Variants in CTNNA2 observed in about 807,000 individuals in gnomAD.
CTNNA2 encodes the protein catenin alpha-2.
CTNNA2 carries 42 observed loss-of-function variants against 101.0 expected under a neutral mutation model. The ratio of observed to expected loss-of-function variants is 0.42; its 90% CI spans 0.32 to 0.54. The LOEUF is 0.54. Among genes scored for constraint, CTNNA2 ranks in the 20% least tolerant of loss-of-function variants. The pLI is 0.14. For missense variants in CTNNA2, 871 were observed against 1,223.1 expected (o/e 0.71, Z 4.29); for synonymous variants, 450 against 456.4 (o/e 0.99, Z 0.18).
intron 7 of CTNNA2, among the ~76,000 whole-genome samples, chr2:80,111,754 C>G (rs1465025986): frequency 1.3e-5 from 2 of 152,174 alleles, no homozygotes; most frequent in Non-Finnish European, 2.9e-5. Flanking sequence ...GTTGCCCAGA[C>G]TGATCTCAAG....
At chr2:79,236,668 A>G (rs1268548002) in intron 2 of CTNNA2, among the ~76,000 whole-genome samples, 2 of 152,214 alleles carry the variant, frequency 1.3e-5, no homozygotes, top group East Asian at 3.8e-4. Flanking sequence ...AAGTAAGTTT[A>G]TGTAATATTC....
chr2:79,950,477 G>A (rs975635199), intron 7 of CTNNA2, among the ~76,000 whole-genome samples: 8 of 152,156 alleles, frequency 5.3e-5, no homozygotes, highest in Admixed American at 1.3e-4. Flanking sequence ...CAGAGGCTTC[G>A]CTGTGTATTG....
At chr2:80,077,937 T>C (rs1212321651) in intron 7 of CTNNA2, among the ~76,000 whole-genome samples, 1 of 152,206 alleles carries the variant, frequency 6.6e-6, no homozygotes, top group Non-Finnish European at 1.5e-5. Flanking sequence ...AAGTACATTA[T>C]ATAACTTGCT....
chr2:79,413,213 T>A (rs1678437477), intron 4 of CTNNA2, among the ~76,000 whole-genome samples: 2 of 151,938 alleles, frequency 1.3e-5, no homozygotes, highest in Non-Finnish European at 2.9e-5. Context: ...AAATGGAAAA[T>A]CTGCTAGACA....
At chr2:80,282,215 G>A (rs977405211) in intron 7 of CTNNA2, among the ~76,000 whole-genome samples, 11 of 151,824 alleles carry the variant, frequency 7.2e-5, no homozygotes, top group Non-Finnish European at 5.9e-5. Flanking sequence ...ATCTACATGA[G>A]TTATATTTTC....
chr2:80,237,659 C>T (rs1370331894), intron 7 of CTNNA2, among the ~76,000 whole-genome samples: 1 of 152,176 alleles, frequency 6.6e-6, no homozygotes, highest in Non-Finnish European at 1.5e-5. Context: ...CTGCATAGCC[C>T]TACCCTGGGC....
At position 80,393,194 on chromosome 2, in the gene CTNNA2, T is replaced by G. The variant is rs747695845; in HGVS notation, c.1057-17T>G. 7.0e-6 allele frequency: 11 copies of G among 1,568,974 alleles called. No individual in the cohort carries two copies. The Admixed American group carries it at 2.1e-4, about 29-fold the overall frequency. ...TTGAATATGCTAAATCAGAAATTAT[T>G]TCTCTTTTCTTAATAGACTGGAAGG... On this transcript the variant is annotated splice_polypyrimidine_tract_variant and intron_variant, in intron 7 of 18. Transcript: ENST00000402739.
At chr2:79,521,787 A>G (rs761775905) in intron 1 of CTNNA2, among the ~76,000 whole-genome samples, 38 of 152,196 alleles carry the variant, frequency 2.5e-4, no homozygotes, top group Non-Finnish European at 4.9e-4. Flanking sequence ...GGGAGAGTGT[A>G]TGCAGAAACA....
intron 4 of CTNNA2, among the ~76,000 whole-genome samples, chr2:79,457,395 G>A (rs1312994961): frequency 2.0e-5 from 3 of 152,050 alleles, no homozygotes; most frequent in Non-Finnish European, 4.4e-5. Flanking sequence ...ACAGTTCACA[G>A]TGTTGTGTGA....
intron 4 of CTNNA2, among the ~76,000 whole-genome samples, chr2:79,403,210 A>G (rs1259487744): frequency 1.3e-5 from 2 of 151,856 alleles, no homozygotes; most frequent in East Asian, 3.9e-4. Flanking sequence ...TAGACAATAA[A>G]ATTTTATGGA....
rs1683422408 is a variant in CTNNA2 at position 80,450,649 on chromosome 2, C to T, written c.1290+31048C>T. 3.9e-5 allele frequency among the ~76,000 whole-genome samples: 6 copies of T among 152,222 alleles called. No individual in the cohort carries two copies. The South Asian group carries it at 1.2e-3, about 32-fold the overall frequency. ...TTAAAAAAGCAGAATATGATACCTC[C>T]TTTTTTACAAAACCAAAGGAGGGAC... On this transcript the variant is annotated intron_variant, in intron 9 of 18. Transcript: ENST00000402739.
intron 8 of CTNNA2, among the ~76,000 whole-genome samples, chr2:80,397,495 G>A (rs909199034): frequency 1.3e-5 from 2 of 152,036 alleles, no homozygotes; most frequent in African/African-American, 4.8e-5. Flanking sequence ...TGAATCATGG[G>A]GGCAGGTCTT....
chr2:79,381,368 C>T (rs1015063742), intron 4 of CTNNA2, among the ~76,000 whole-genome samples: 4 of 152,118 alleles, frequency 2.6e-5, no homozygotes, highest in African/African-American at 9.7e-5. Context: ...TCACTATGCC[C>T]CAGTCACTGA....
At chr2:80,545,122 A>G in intron 10 of CTNNA2, 48 bp downstream of exon 10, 1 of 1,568,128 alleles carries the variant, frequency 6.4e-7, no homozygotes, top group Non-Finnish European at 8.7e-7. Context: ...GACCTTCTCC[A>G]CTCCAGCCCT....
chr2:79,338,643 C>CTTCTTCT (rs1558634030), intron 3 of CTNNA2, among the ~76,000 whole-genome samples: 3 of 145,432 alleles, frequency 2.1e-5, no homozygotes, highest in African/African-American at 5.1e-5. Context: ...TCTTCTTCTT[C>CTTCTTCT]AAAGATTCCT....
At chr2:79,873,913 GACAA>G (rs1454712809) in intron 5 of CTNNA2, among the ~76,000 whole-genome samples, 159 bp from the exon 6 acceptor site, 3 of 152,060 alleles carry the variant, frequency 2.0e-5, no homozygotes, top group Admixed American at 6.5e-5. Flanking sequence ...CTATAAAACA[GACAA>G]ACAAACAAAA....
chr2:80,145,922 A>G (rs762334790), intron 7 of CTNNA2, among the ~76,000 whole-genome samples: 3 of 152,218 alleles, frequency 2.0e-5, no homozygotes, highest in Non-Finnish European at 4.4e-5. Flanking sequence ...CACTTCTGCC[A>G]TTGAGCAGTG....
intron 2 of CTNNA2, among the ~76,000 whole-genome samples, chr2:79,244,613 C>G (rs1359391832): frequency 2.0e-5 from 3 of 152,180 alleles, no homozygotes; most frequent in Non-Finnish European, 4.4e-5. Context: ...AGGGTTCATG[C>G]AAACCCATCA....
chr2:80,570,389 C>A (rs1044947030), intron 12 of CTNNA2, among the ~76,000 whole-genome samples: 2 of 152,090 alleles, frequency 1.3e-5, no homozygotes, highest in African/African-American at 2.4e-5. Flanking sequence ...ACCGAATGAG[C>A]GAAGAGCAGC....
Sources: gnomAD v4.1 joint callset for allele counts (sites outside exome capture counted in the v4.1 genomes callset) on GRCh38, gnomAD v4.1.1 for gene constraint, MANE v1.5 for transcripts, NCBI Gene and HGNC (gene_info 2026-07-23, HGNC 2026-07-21) for gene names.